The following SNX29 variants were observed in gnomAD, a reference collection of about 807,000 sequenced individuals.
SNX29 encodes sorting nexin 29, also known as sorting nexin-29.
Under a neutral mutation model 102.1 loss-of-function variants are expected in SNX29, and 78 were observed. The ratio of observed to expected loss-of-function variants is 0.76; its 90% CI spans 0.64 to 0.92. The LOEUF is 0.92. Ranked by LOEUF, SNX29 falls within the 40% of genes least tolerant of loss-of-function variation. SNX29 has a pLI of 0.00. For missense variants in SNX29, 1,280 were observed against 1,061.7 expected, an observed-to-expected ratio of 1.21 and a Z score of -2.86; for synonymous variants, 580 against 414.5, an observed-to-expected ratio of 1.40 and a Z score of -4.85.
intron 20 of SNX29, among the ~76,000 whole-genome samples, chr16:12,562,029 G>C (rs1156384770): frequency 1.3e-5 from 2 of 152,108 alleles, no homozygotes; most frequent in Admixed American, 6.6e-5. Context: ...GCCCCTCATG[G>C]ATTTAGGGAT....
chr16:12,093,037 T>G (rs1438538276), intron 11 of SNX29, among the ~76,000 whole-genome samples: 1 of 152,212 alleles, frequency 6.6e-6, no homozygotes, highest in Non-Finnish European at 1.5e-5. Flanking sequence ...GTGGACTGTT[T>G]TGCTGAGATG....
chr16:12,212,932 A>G (rs1174942474), intron 14 of SNX29, among the ~76,000 whole-genome samples: 4 of 152,108 alleles, frequency 2.6e-5, no homozygotes, highest in African/African-American at 7.2e-5. Context: ...TGGCCAATAT[A>G]GTGAAACCCC....
intron 20 of SNX29, among the ~76,000 whole-genome samples, chr16:12,537,533 T>A (rs897375768): frequency 6.6e-6 from 1 of 152,326 alleles, no homozygotes; most frequent in East Asian, 1.9e-4. Flanking sequence ...AAAGGAAATA[T>A]TACCTACTAT....
chr16:12,261,472 G>C (rs1394690149), intron 14 of SNX29, among the ~76,000 whole-genome samples: 2 of 141,664 alleles, frequency 1.4e-5, no homozygotes, highest in Admixed American at 7.2e-5. Flanking sequence ...GGCTGAGCTC[G>C]GGTCTGTGTG....
At position 12,447,165 on chromosome 16, in the gene SNX29, C is replaced by CAAAAAAAAA. The variant is rs59942122; in HGVS notation, c.2038-30530_2038-30522dup. Among the ~76,000 whole-genome samples the CAAAAAAAAA allele has an allele frequency of 6.6e-4, 29 of 43,912 alleles. 1 individual carries two copies. Among genetic ancestry groups the CAAAAAAAAA allele is most frequent in the Non-Finnish European group, 6.5e-4 (17 of 26,144 alleles). 28.8% of individuals were successfully genotyped at this position (43,912 alleles called of 152,430 possible). The stretch of plus-strand genomic sequence containing the variant: ...CTGGCGACAGAGGGAGACTCTGTCT[C>CAAAAAAAAA]AAAAAAAAAAAAAAAAAAAAAAAAA... On this transcript the variant is annotated intron_variant, in intron 18 of 20. Transcript: ENST00000566228.
chr16:12,312,895 C>T (rs1248645774), intron 15 of SNX29, among the ~76,000 whole-genome samples: 2 of 152,152 alleles, frequency 1.3e-5, no homozygotes, highest in African/African-American at 4.8e-5. Flanking sequence ...GCTTTAAAAG[C>T]CCTTTCACAG....
intron 19 of SNX29, among the ~76,000 whole-genome samples, chr16:12,489,612 A>G (rs2088435785): frequency 6.6e-6 from 1 of 152,190 alleles, no homozygotes; most frequent in Admixed American, 6.5e-5. Context: ...CCAGTCAAGT[A>G]TTTCCCATGG....
intron 16 of SNX29, among the ~76,000 whole-genome samples, chr16:12,366,662 C>T (rs574880145): frequency 5.3e-5 from 8 of 152,202 alleles, no homozygotes; most frequent in Non-Finnish European, 1.0e-4. Flanking sequence ...CCTCTGCCAC[C>T]TGGGCTGTCT....
chr16:12,555,100 C>T (rs114985276), intron 20 of SNX29, among the ~76,000 whole-genome samples: 2,303 of 146,792 alleles, frequency 0.016, 57 homozygotes, highest in African/African-American at 0.052. Context: ...AAGGGCCAAT[C>T]AGGGACAATC....
At chr16:12,326,906 T>G (rs1431662666) in intron 15 of SNX29, among the ~76,000 whole-genome samples, 2 of 152,078 alleles carry the variant, frequency 1.3e-5, no homozygotes, top group Non-Finnish European at 2.9e-5. Flanking sequence ...TGGGCCAAGG[T>G]CCGAGGCATT....
chr16:12,539,226 C>T (rs566086907), intron 20 of SNX29, among the ~76,000 whole-genome samples: 1 of 152,182 alleles, frequency 6.6e-6, no homozygotes, highest in African/African-American at 2.4e-5. Flanking sequence ...AAGATATAGA[C>T]CAGTTCCTTC....
At chr16:12,563,245 C>G (rs1170974634) in intron 20 of SNX29, among the ~76,000 whole-genome samples, 2 of 152,162 alleles carry the variant, frequency 1.3e-5, no homozygotes, top group Non-Finnish European at 2.9e-5. Flanking sequence ...CCCATCATCA[C>G]TGACCCCGCC....
At position 12,481,395 on chromosome 16, in the gene SNX29, TAC is replaced by T. The variant is rs149352429; in HGVS notation, c.2178+3552_2178+3553del. Among the ~76,000 whole-genome samples the T allele has an allele frequency of 2.3e-3, 342 of 149,774 alleles. 1 individual carries two copies. Among genetic ancestry groups the T allele is most frequent in the African/African-American group, 5.7e-3 (233 of 40,840 alleles). On this transcript the variant is annotated intron_variant, in intron 19 of 20. Transcript: ENST00000566228. ...TGTCTTTTATACATATATATATATATACACACACACACACACATATACATACA... is the reference window on the plus strand; with the variant it reads ...TGTCTTTTATACATATATATATATATACACACACACACACATATACATACA...
intron 19 of SNX29, among the ~76,000 whole-genome samples, chr16:12,521,440 C>T (rs1479744193): frequency 1.3e-5 from 2 of 151,916 alleles, no homozygotes; most frequent in African/African-American, 4.8e-5. Flanking sequence ...GGATGGAATT[C>T]TCTAACCTTC....
chr16:12,426,707 C>A (rs1165237872), intron 18 of SNX29, among the ~76,000 whole-genome samples: 1 of 152,126 alleles, frequency 6.6e-6, no homozygotes, highest in Non-Finnish European at 1.5e-5. Flanking sequence ...ACTCTGTCGC[C>A]CAGGCTGGAG....
chr16:12,310,075 T>C (rs939090454), intron 15 of SNX29, among the ~76,000 whole-genome samples: 1 of 151,192 alleles, frequency 6.6e-6, no homozygotes, highest in African/African-American at 2.4e-5. Flanking sequence ...CGCACATACA[T>C]ACACATGTGC....
intron 20 of SNX29, among the ~76,000 whole-genome samples, chr16:12,536,248 C>T (rs955198750): frequency 2.0e-5 from 3 of 152,010 alleles, no homozygotes; most frequent in East Asian, 3.9e-4. Flanking sequence ...CTTTTTTATG[C>T]ATGAGAACTT....
intron 15 of SNX29, among the ~76,000 whole-genome samples, chr16:12,304,991 A>G (rs557573363): frequency 1.3e-5 from 2 of 152,384 alleles, no homozygotes; most frequent in South Asian, 2.1e-4. Flanking sequence ...GCTAAAATGC[A>G]ACTGAACATA....
At chr16:12,324,435 T>TTTTG (rs902614199) in intron 15 of SNX29, among the ~76,000 whole-genome samples, 8 of 152,018 alleles carry the variant, frequency 5.3e-5, no homozygotes, top group Non-Finnish European at 1.0e-4. Context: ...GGCATCTGTT[T>TTTTG]TTTGTTTGTT....
Sources: gnomAD v4.1 joint callset for allele counts (sites outside exome capture counted in the v4.1 genomes callset) on GRCh38, gnomAD v4.1.1 for gene constraint, MANE v1.5 for transcripts, NCBI Gene and HGNC (gene_info 2026-07-23, HGNC 2026-07-21) for gene names.